The following SOX6 variants were observed in gnomAD, a reference collection of about 807,000 sequenced individuals.
SOX6 encodes SRY-box transcription factor 6.
A neutral mutation model predicts 97.8 loss-of-function variants in SOX6; 11 were observed. The ratio of observed to expected loss-of-function variants is 0.11; its 90% CI spans 0.07 to 0.19. SOX6 has a LOEUF of 0.19. SOX6 is among the 10% of genes least tolerant of loss of function. The probability of loss-of-function intolerance (pLI) is 1.00; values close to 1 mark genes in which losing one functional copy is unlikely to be tolerated. For synonymous variants in SOX6, 360 were observed against 371.4 expected (o/e 0.97, Z 0.35); for missense variants, 810 against 1,039.5 (o/e 0.78, Z 3.04).
chr11:16,504,659 T>C (rs921359900), intron 4 of SOX6, among the ~76,000 whole-genome samples: 1 of 152,214 alleles, frequency 6.6e-6, no homozygotes, highest in Non-Finnish European at 1.5e-5. Flanking sequence ...AGATATGGTT[T>C]GGCTCTGCGT....
chr11:15,982,321 C>T (rs1405561870), intron 15 of SOX6, among the ~76,000 whole-genome samples: 1 of 151,900 alleles, frequency 6.6e-6, no homozygotes, highest in Non-Finnish European at 1.5e-5. Flanking sequence ...AATGATATTC[C>T]CTATCTTGTA....
chr11:16,140,627 A>G (rs1371127822), intron 6 of SOX6, among the ~76,000 whole-genome samples: 3 of 152,232 alleles, frequency 2.0e-5, no homozygotes, highest in Non-Finnish European at 4.4e-5. Flanking sequence ...TTAAATTGTT[A>G]AACTTTAAAG....
chr11:16,710,817 T>C (rs1187007781), intron 3 of SOX6, among the ~76,000 whole-genome samples: 2 of 152,206 alleles, frequency 1.3e-5, no homozygotes, highest in African/African-American at 4.8e-5. Flanking sequence ...CTACTTTGTT[T>C]CTTGGTATTT....
intron 3 of SOX6, among the ~76,000 whole-genome samples, chr11:16,284,565 T>A (rs990617174): frequency 2.0e-5 from 3 of 152,154 alleles, no homozygotes; most frequent in Non-Finnish European, 4.4e-5. Context: ...GCCTTTTATG[T>A]TCTAGGCAAT....
intron 3 of SOX6, among the ~76,000 whole-genome samples, chr11:16,712,094 C>CACAT: frequency 6.6e-6 from 1 of 151,584 alleles, no homozygotes; most frequent in Non-Finnish European, 1.5e-5. Flanking sequence ...CACACACACA[C>CACAT]ACACACACAC....
intron 4 of SOX6, among the ~76,000 whole-genome samples, chr11:16,525,071 G>A (rs1190805302): frequency 1.3e-5 from 2 of 152,182 alleles, no homozygotes; most frequent in African/African-American, 4.8e-5. Flanking sequence ...GTAATTTATA[G>A]ATTCAATGCC....
At position 16,672,755 on chromosome 11, in the gene SOX6, G is replaced by A. The variant is rs552063711; in HGVS notation, n.429+42075C>T. On this transcript the variant is annotated intron_variant and non_coding_transcript_variant, in intron 3 of 5. Transcript: ENST00000524520. Reference sequence around the variant, plus strand: ...TAATATCAAAGACCCAGTGGTTGCTGCTGCTGCCTTCAAGAGACCCATCTC... The same window carrying A: ...TAATATCAAAGACCCAGTGGTTGCTACTGCTGCCTTCAAGAGACCCATCTC... 4.6e-5 allele frequency among the ~76,000 whole-genome samples: 7 copies of A among 152,232 alleles called. No individual in the cohort carries two copies. The East Asian group carries it at 1.4e-3, about 29-fold the overall frequency.
At chr11:16,588,107 C>T (rs955761931) in intron 4 of SOX6, among the ~76,000 whole-genome samples, 3 of 152,188 alleles carry the variant, frequency 2.0e-5, no homozygotes, top group African/African-American at 7.2e-5. Context: ...ATCGTTTTTG[C>T]TCATGAGTCT....
In SOX6 at chr11:16,673,004, G is replaced by A. The variant is rs150680525; in HGVS notation, n.429+41826C>T. On this transcript the variant is annotated intron_variant and non_coding_transcript_variant, in intron 3 of 5. Coordinates refer to the SOX6 transcript ENST00000524520. ...TATCCTAAATATATACACAGCAGGC[G>A]GAGGTTGCAGTTAGCTGAGATCATG... is the stretch of plus-strand genomic sequence containing the variant. Among the ~76,000 whole-genome samples the A allele has an allele frequency of 4.2e-3, 643 of 152,176 alleles. 1 individual carries two copies. Among genetic ancestry groups the A allele is most frequent in the Non-Finnish European group, 7.2e-3 (488 of 68,006 alleles).
chr11:16,633,696 G>A (rs1478541642), intron 3 of SOX6, among the ~76,000 whole-genome samples: 2 of 152,122 alleles, frequency 1.3e-5, no homozygotes, highest in Non-Finnish European at 2.9e-5. Flanking sequence ...AGGGCCACCA[G>A]AGAGTAAGGA....
chr11:16,549,915 A>T (rs978962360), intron 4 of SOX6, among the ~76,000 whole-genome samples: 1 of 152,174 alleles, frequency 6.6e-6, no homozygotes, highest in Non-Finnish European at 1.5e-5. Flanking sequence ...AGACAGAAAT[A>T]TGAACAGTGG....
intron 2 of SOX6, among the ~76,000 whole-genome samples, chr11:16,733,557 A>G (rs562463738): frequency 8.2e-4 from 118 of 143,332 alleles, no homozygotes; most frequent in Non-Finnish European, 1.6e-3. Flanking sequence ...GGAGGGGAAT[A>G]TCACATACCG....
At chr11:16,202,271 T>C (rs980922810) in intron 4 of SOX6, among the ~76,000 whole-genome samples, 2 of 152,146 alleles carry the variant, frequency 1.3e-5, no homozygotes, top group African/African-American at 4.8e-5. Flanking sequence ...TCTAAGGCCA[T>C]GTTATTAATA....
chr11:16,304,789 AC>A (rs1004577830), intron 3 of SOX6, among the ~76,000 whole-genome samples: 2 of 152,138 alleles, frequency 1.3e-5, no homozygotes, highest in African/African-American at 4.8e-5. Context: ...ATAGATAATC[AC>A]GTGATTTGCA....
intron 4 of SOX6, among the ~76,000 whole-genome samples, chr11:16,527,695 T>G (rs1400179599): frequency 1.3e-5 from 2 of 152,166 alleles, no homozygotes; most frequent in African/African-American, 4.8e-5. Context: ...AGTGTTGTAT[T>G]CTTGGCCTCT....
intron 3 of SOX6, among the ~76,000 whole-genome samples, chr11:16,673,231 C>T (rs531649467): frequency 6.6e-6 from 1 of 151,686 alleles, no homozygotes. Context: ...CAAAACCAAG[C>T]CCAAAATTAG....
intron 6 of SOX6, among the ~76,000 whole-genome samples, chr11:16,164,779 C>G (rs911278143): frequency 2.0e-5 from 3 of 151,032 alleles, no homozygotes; most frequent in African/African-American, 7.3e-5. Context: ...CGAGATCGCA[C>G]CACTGCACTC....
chr11:16,618,928 G>A (rs1203344879), intron 3 of SOX6, among the ~76,000 whole-genome samples: 1 of 151,918 alleles, frequency 6.6e-6, no homozygotes, highest in African/African-American at 2.4e-5. Context: ...TACTCATAAT[G>A]CACATTCATA....
intron 6 of SOX6, among the ~76,000 whole-genome samples, chr11:16,167,168 A>C (rs977454266): frequency 1.3e-5 from 2 of 152,068 alleles, no homozygotes; most frequent in African/African-American, 2.4e-5. Context: ...ACCCTCACTC[A>C]CTGCTGATAT....
Sources: allele counts gnomAD v4.1 joint callset (sites outside exome capture counted in the v4.1 genomes callset), GRCh38; gene constraint gnomAD v4.1.1; transcripts MANE v1.5; gene names NCBI Gene and HGNC (gene_info 2026-07-23, HGNC 2026-07-21).